The following KAZN variants were observed in gnomAD, a reference collection of about 807,000 sequenced individuals.
KAZN encodes kazrin, periplakin interacting protein.
Under a neutral mutation model 87.4 loss-of-function variants are expected in KAZN, and 40 were observed. The ratio of observed to expected loss-of-function variants is 0.46; its 90% CI spans 0.36 to 0.60. The LOEUF (loss-of-function observed/expected upper bound fraction) is 0.60. KAZN is among the 20% of genes least tolerant of loss of function. The probability of loss-of-function intolerance (pLI) is 0.00; values close to 1 mark genes in which losing one functional copy is unlikely to be tolerated. For synonymous variants in KAZN, 466 were observed against 458.3 expected, an observed-to-expected ratio of 1.02 and a Z score of -0.22; for missense variants, 898 against 1,073.9, an observed-to-expected ratio of 0.84 and a Z score of 2.29.
chr1:15,079,165 G>A (rs1639888651), intron 8 of KAZN, among the ~76,000 whole-genome samples: 1 of 152,154 alleles, frequency 6.6e-6, no homozygotes, highest in East Asian at 1.9e-4. Context: ...GTGCAAATAG[G>A]CAAGGATTCA....
At chr1:13,965,402 A>G (rs1253190336) in intron 1 of KAZN, among the ~76,000 whole-genome samples, 2 of 152,144 alleles carry the variant, frequency 1.3e-5, no homozygotes, top group Non-Finnish European at 2.9e-5. Context: ...TGCCAAGTGT[A>G]TAGCTCGGTG....
At position 15,094,976 on chromosome 1, in the gene KAZN, C is replaced by A; in HGVS notation, c.1547+43C>A. ...GGCCCCGGGGGAGGAGAGAAAAAGT[C>A]ATCCTGAGGCCTTTGGTCACACAGG... is the stretch of plus-strand genomic sequence containing the variant. On this transcript the variant is annotated intron_variant, in intron 10 of 14. Coordinates refer to ENST00000376030, the MANE Select transcript of KAZN (RefSeq NM_201628.3). The surrounding 1 kb of genome is among the most constrained non-coding windows in gnomAD (Gnocchi z 4.5). The A allele has an allele frequency of 1.5e-6, 2 of 1,367,886 alleles. No individual in the cohort carries two copies. The highest frequency in any genetic ancestry group is 2.5e-5 in the South Asian group (2 of 79,768). 84.7% of individuals were successfully genotyped at this position (1,367,886 alleles called of 1,614,324 possible). A position where few individuals can be genotyped will look rare whatever the true frequency, so the allele number is the denominator to read the frequency against.
At chr1:14,029,784 T>G (rs2101321578) in intron 1 of KAZN, among the ~76,000 whole-genome samples, 1 of 152,046 alleles carries the variant, frequency 6.6e-6, no homozygotes, top group East Asian at 1.9e-4. Flanking sequence ...CAGATAGTTG[T>G]AGATATGTGG....
chr1:14,353,816 T>C (rs1214599931), intron 2 of KAZN, among the ~76,000 whole-genome samples: 1 of 152,228 alleles, frequency 6.6e-6, no homozygotes, highest in Non-Finnish European at 1.5e-5. Flanking sequence ...ATCTTCTGCA[T>C]TGGAGGACTC....
intron 6 of KAZN, chr1:15,063,348 C>A: frequency 1.7e-6 from 1 of 578,590 alleles, no homozygotes; most frequent in Non-Finnish European, 3.1e-6. Flanking sequence ...CCAGACTGGG[C>A]AGGAGAGGAC....
rs190774167 is a variant in KAZN, at chr1:14,153,418, A to T, written c.92-27017A>T. Among the ~76,000 whole-genome samples, 8 of 152,254 alleles carry T rather than the reference A, an allele frequency of 5.3e-5. No homozygotes were observed. In the East Asian group the frequency reaches 1.5e-3, roughly 29 times the overall value. On this transcript the variant is annotated intron_variant, in intron 1 of 16. Coordinates refer to the KAZN transcript ENST00000636203. ...TAGTTTCATTCTTTCGCATTTGGAT[A>T]TCCAACTTTCCCAGCTTCATTTATG...
At chr1:14,535,188 C>T (rs1436832127) in intron 2 of KAZN, among the ~76,000 whole-genome samples, 1 of 152,234 alleles carries the variant, frequency 6.6e-6, no homozygotes, top group Admixed American at 6.5e-5. Flanking sequence ...GTATTTCTCT[C>T]ACCAGCATTA....
At chr1:14,323,102 C>T (rs574275509) in intron 2 of KAZN, among the ~76,000 whole-genome samples, 6 of 152,236 alleles carry the variant, frequency 3.9e-5, no homozygotes, top group South Asian at 2.1e-4. Context: ...AAATGGCCTC[C>T]GTGATTCAGT....
intron 1 of KAZN, among the ~76,000 whole-genome samples, chr1:14,664,199 G>T (rs1220164545): frequency 2.6e-5 from 4 of 152,376 alleles, no homozygotes; most frequent in Middle Eastern, 3.4e-3. Flanking sequence ...TTGGGAGGCC[G>T]AGGTGGGCAG....
chr1:14,893,479 C>G (rs1293110433), intron 1 of KAZN, among the ~76,000 whole-genome samples: 1 of 152,188 alleles, frequency 6.6e-6, no homozygotes, highest in Admixed American at 6.5e-5. Context: ...CTCCAGGGAG[C>G]AAAGCCCTTG....
In KAZN at chr1:14,781,291, C is replaced by T. The variant is rs1197107693; in HGVS notation, c.227-179393C>T. ...GAGCCGAGATCGCGCCACTGCGCTC[C>T]AACCTGGGCAACAGAGAAAGACTCT... On this transcript the variant is annotated intron_variant, in intron 1 of 14. Coordinates refer to ENST00000376030, the MANE Select transcript of KAZN (RefSeq NM_201628.3). Among the ~76,000 whole-genome samples the T allele has an allele frequency of 7.2e-5, 11 of 152,234 alleles. No individual in the cohort carries two copies. In the East Asian group the frequency reaches 2.1e-3, roughly 29 times the overall value.
chr1:14,685,781 G>C (rs1245463621), intron 1 of KAZN, among the ~76,000 whole-genome samples: 1 of 152,336 alleles, frequency 6.6e-6, no homozygotes, highest in South Asian at 2.1e-4. Context: ...CAGAACTCTA[G>C]AAAGAGTAGT....
At chr1:14,788,935 A>G (rs115110951) in intron 1 of KAZN, among the ~76,000 whole-genome samples, 1,724 of 152,230 alleles carry the variant, frequency 0.011, 36 homozygotes, top group African/African-American at 0.039. Context: ...CAGATCATCA[A>G]TTTACAAACG....
At position 15,096,188 on chromosome 1, in the gene KAZN, A is replaced by C. The variant is rs1019974979; in HGVS notation, c.1547+1255A>C. ...AATCCCTCCTGCCCCCTTACCCCAC[A>C]CCCAGCAGGGTCCATAAACACTGCC... is the stretch of plus-strand genomic sequence containing the variant. On this transcript the variant is annotated intron_variant, in intron 10 of 14. Transcript: ENST00000376030. This position sits in a 1 kb window ranked among gnomAD's most constrained non-coding sequence, Gnocchi z 4.5. Among the ~76,000 whole-genome samples, 2 of 151,936 alleles carry C rather than the reference A, an allele frequency of 1.3e-5. No individual in the cohort carries two copies. Among genetic ancestry groups the C allele is most frequent in the African/African-American group, 4.8e-5 (2 of 41,312 alleles).
chr1:14,263,575 G>T (rs1651245394), intron 2 of KAZN, among the ~76,000 whole-genome samples: 1 of 151,778 alleles, frequency 6.6e-6, no homozygotes, highest in African/African-American at 2.4e-5. Context: ...CAAAACTCTG[G>T]TTTGGTTTCA....
intron 1 of KAZN, among the ~76,000 whole-genome samples, chr1:14,113,611 A>T (rs1195566474): frequency 6.6e-6 from 1 of 152,202 alleles, no homozygotes; most frequent in Non-Finnish European, 1.5e-5. Flanking sequence ...AGGTTGAGTC[A>T]CTTTCCCCAA....
At chr1:14,681,639 A>ATATATATG (rs1640623430) in intron 1 of KAZN, among the ~76,000 whole-genome samples, 1 of 10,112 alleles carries the variant, frequency 9.9e-5, no homozygotes, top group Non-Finnish European at 2.1e-4. Context: ...ATATATATAT[A>ATATATATG]TATATATATA....
At chr1:14,642,564 A>T (rs1680487508) in intron 1 of KAZN, among the ~76,000 whole-genome samples, 1 of 152,200 alleles carries the variant, frequency 6.6e-6, no homozygotes, top group South Asian at 2.1e-4. Context: ...AAAGGGATAG[A>T]TAGGGAGAGA....
intron 2 of KAZN, among the ~76,000 whole-genome samples, chr1:14,423,123 A>G (rs1362426430): frequency 6.6e-6 from 1 of 152,192 alleles, no homozygotes; most frequent in African/African-American, 2.4e-5. Context: ...TGCCCCTCAC[A>G]ATGCACTTCT....
Sources: allele counts gnomAD v4.1 joint callset (sites outside exome capture counted in the v4.1 genomes callset), GRCh38; gene constraint gnomAD v4.1.1; non-coding constraint Gnocchi (gnomAD v3.1); transcripts MANE v1.5; gene names NCBI Gene and HGNC (gene_info 2026-07-23, HGNC 2026-07-21).